GRB14: variants seen among roughly 807,000 people sequenced by gnomAD.
GRB14 encodes growth factor receptor bound protein 14.
GRB14 carries 38 observed loss-of-function variants against 69.1 expected under a neutral mutation model. The observed-to-expected ratio is 0.55, with a 90% CI of 0.42 to 0.72. GRB14 has a LOEUF of 0.72. Among genes scored for constraint, GRB14 ranks in the 30% least tolerant of loss-of-function variants. GRB14 has a pLI of 0.00. For synonymous variants in GRB14, 247 were observed against 241.3 expected, an observed-to-expected ratio of 1.02 and a Z score of -0.22; for missense variants, 666 against 666.1, an observed-to-expected ratio of 1.00 and a Z score of 0.00.
At chr2:164,502,177 A>G (rs564443826) in intron 9 of GRB14, 78 bp downstream of exon 9, 6 of 686,162 alleles carry the variant, frequency 8.7e-6, no homozygotes, top group East Asian at 8.2e-5. Flanking sequence ...TTATTATAAG[A>G]TACTGTTATG....
In GRB14 at chr2:164,621,220, G is replaced by A; in HGVS notation, c.90C>T (p.Ala30=). Residue 30 remains alanine, a synonymous_variant, in exon 1 of 14, where the codon GCC becomes GCT. Transcript: ENST00000263915. The surrounding 1 kb of genome is among the most constrained non-coding windows in gnomAD (Gnocchi z 6.0). ...GGTCGTGGGCGTCGCCCCTCCCCTG[G>A]GCAGCGCCACACACCTGGGCGGCCA... The part of the protein sequence containing the change: ...SPLAAQVCGA[A]QGRGDAHDLA... The A allele has an allele frequency of 8.0e-7, 1 of 1,249,962 alleles. No individual in the cohort carries two copies. Among genetic ancestry groups the A allele is most frequent in the South Asian group, 3.9e-5 (1 of 25,526 alleles). The allele number at this position is 1,249,962 out of a possible 1,614,324, so 77.4% of individuals were successfully genotyped here.
intron 3 of GRB14, among the ~76,000 whole-genome samples, chr2:164,533,372 A>T (rs1289032882): frequency 6.6e-6 from 1 of 150,968 alleles, no homozygotes; most frequent in East Asian, 2.0e-4. Flanking sequence ...AGCTGGGACT[A>T]CAGGCACCCG....
At chr2:164,561,644 T>C (rs1336278996) in intron 2 of GRB14, among the ~76,000 whole-genome samples, 1 of 152,192 alleles carries the variant, frequency 6.6e-6, no homozygotes, top group Non-Finnish European at 1.5e-5. Flanking sequence ...CTGTGCTAGG[T>C]GGAGCAGAGG....
Position 164,565,710 on chromosome 2 carries a change from C to A in GRB14, c.325-17894G>T, listed in dbSNP as rs187623282. ...GATCGTTTCTGAAGCACATGAGGAA[C>A]GTTCTTCACCAGAACCTTAATTCAC... On this transcript the variant is annotated intron_variant, in intron 2 of 13. Transcript: ENST00000263915. Among the ~76,000 whole-genome samples the A allele has an allele frequency of 3.2e-4, 48 of 152,312 alleles. No homozygotes were observed. In the East Asian group the frequency reaches 8.7e-3, roughly 28 times the overall value.
At chr2:164,597,627 G>C (rs909948441) in intron 2 of GRB14, among the ~76,000 whole-genome samples, 2 of 151,908 alleles carry the variant, frequency 1.3e-5, no homozygotes, top group African/African-American at 4.8e-5. Flanking sequence ...AAGACAATGG[G>C]TAGAGAAGAA....
At chr2:164,612,039 A>G (rs187574915) in intron 2 of GRB14, among the ~76,000 whole-genome samples, 222 of 152,328 alleles carry the variant, frequency 1.5e-3, no homozygotes, top group Non-Finnish European at 2.6e-3. Flanking sequence ...ATGGGCTGAT[A>G]TAACACCCCT....
chr2:164,565,813 C>G (rs1366838750), intron 2 of GRB14, among the ~76,000 whole-genome samples: 1 of 151,990 alleles, frequency 6.6e-6, no homozygotes, highest in Non-Finnish European at 1.5e-5. Context: ...GAGAATCTAC[C>G]AAAATACCTT....
intron 3 of GRB14, among the ~76,000 whole-genome samples, chr2:164,539,557 T>C (rs1483208760): frequency 6.6e-6 from 1 of 152,192 alleles, no homozygotes; most frequent in Non-Finnish European, 1.5e-5. Context: ...TTCAGGAACT[T>C]ACCACATTTT....
At chr2:164,536,214 A>G (rs866644541) in intron 3 of GRB14, among the ~76,000 whole-genome samples, 6 of 152,102 alleles carry the variant, frequency 3.9e-5, no homozygotes, top group African/African-American at 1.4e-4. Context: ...TTTGTCTTAG[A>G]CCCTGGGTTA....
At chr2:164,544,295 C>T (rs570442126) in intron 3 of GRB14, among the ~76,000 whole-genome samples, 4 of 152,202 alleles carry the variant, frequency 2.6e-5, no homozygotes, top group African/African-American at 7.2e-5. Flanking sequence ...TTCCTTAATA[C>T]AAATAATTTG....
chr2:164,517,236 G>A (rs1036235469), intron 6 of GRB14, among the ~76,000 whole-genome samples: 5 of 152,100 alleles, frequency 3.3e-5, no homozygotes, highest in Admixed American at 3.3e-4. Context: ...GATCTTGTGA[G>A]ACTTATTCAC....
Position 164,549,694 on chromosome 2 carries a change from C to A in GRB14, c.325-1878G>T, listed in dbSNP as rs180946724. Among the ~76,000 whole-genome samples the A allele has an allele frequency of 2.7e-4, 41 of 151,962 alleles. No homozygotes were observed. In the East Asian group the frequency reaches 7.6e-3, roughly 28 times the overall value. ...CCTGGCCAACATGGCAAAACCCCAT[C>A]TCCACTAAAAATATAAAAAATTAGC... On this transcript the variant is annotated intron_variant, in intron 2 of 13. Transcript: ENST00000263915.
chr2:164,582,469 T>C (rs1689435628), intron 2 of GRB14, among the ~76,000 whole-genome samples: 1 of 151,404 alleles, frequency 6.6e-6, no homozygotes, highest in South Asian at 2.1e-4. Context: ...TTGCCCAGGC[T>C]GGAGTGCAGT....
In GRB14 at chr2:164,492,977, TTTA is replaced by T. The variant is rs1686795360; in HGVS notation, c.*56_*58del. On this transcript the variant is annotated 3_prime_UTR_variant, in exon 14 of 14. Coordinates refer to ENST00000263915, the MANE Select transcript of GRB14 (RefSeq NM_004490.3). The stretch of plus-strand genomic sequence containing the variant: ...ATGTTTTCGCCCTTATTTATGGTCT[TTTA>T]TTATTTTTCTTGAGTCCTTTTCCTT... 3 of 1,498,244 alleles carry T rather than the reference TTTA, an allele frequency of 2.0e-6. No homozygotes were observed. The allele number at this position is 1,498,244 out of a possible 1,614,324, so 92.8% of individuals were successfully genotyped here.
At chr2:164,517,452 A>C (rs1321651124) in intron 6 of GRB14, among the ~76,000 whole-genome samples, 3 of 152,230 alleles carry the variant, frequency 2.0e-5, no homozygotes, top group African/African-American at 7.2e-5. Flanking sequence ...ATGAAAAAAG[A>C]AACAAGGTAT....
chr2:164,497,266 GCGTAAACAT>G lies in GRB14; in HGVS notation c.1230_1238del (p.Cys411_Arg413del). On this transcript the variant is annotated inframe_deletion, in exon 11 of 14. Coordinates refer to ENST00000263915, the MANE Select transcript of GRB14 (RefSeq NM_004490.3). ...CAGTGGGGCTACCGTGAGTGCCCAG[GCGTAAACAT>G]CCTTTTTTCTGAGCAAGGAAGGAGA... The G allele has an allele frequency of 6.2e-7, 1 of 1,613,392 alleles. No homozygotes were observed.
At chr2:164,530,441 T>C (rs911405269) in intron 3 of GRB14, among the ~76,000 whole-genome samples, 2 of 152,064 alleles carry the variant, frequency 1.3e-5, no homozygotes, top group African/African-American at 2.4e-5. Context: ...GAGGGGCATA[T>C]ATTTAAACCA....
Position 164,525,168 on chromosome 2 carries a change from T to G in GRB14, c.604-90A>C, listed in dbSNP as rs529677925. 6 of 887,066 alleles carry G rather than the reference T, an allele frequency of 6.8e-6. No individual in the cohort carries two copies. In the African/African-American group the frequency reaches 8.8e-5, roughly 13 times the overall value. The allele number at this position is 887,066 out of a possible 1,614,324, so 54.9% of individuals were successfully genotyped here. A position where few individuals can be genotyped will look rare whatever the true frequency, so the allele number is the denominator to read the frequency against. On this transcript the variant is annotated intron_variant, in intron 4 of 13. Transcript: ENST00000263915. ...TATAGTAATCAAAAGCAAAAGTTCT[T>G]TAAACTGGTGTGACTAAAATTCACC...
chr2:164,526,998 G>A lies in GRB14; in HGVS notation c.603+16C>T. 1 of 1,546,812 alleles carries A rather than the reference G, an allele frequency of 6.5e-7. No homozygotes were observed. The highest frequency in any genetic ancestry group is 1.4e-5 in the African/African-American group (1 of 72,786). The stretch of plus-strand genomic sequence containing the variant: ...TTCATTTATTTTCCGTAACTATTAG[G>A]AGGGATTTCACTTACCATTGGGTTT... On this transcript the variant is annotated intron_variant, in intron 4 of 13. Coordinates refer to ENST00000263915, the MANE Select transcript of GRB14 (RefSeq NM_004490.3).
Sources: gnomAD v4.1 joint callset for allele counts (sites outside exome capture counted in the v4.1 genomes callset) on GRCh38, gnomAD v4.1.1 for gene constraint, Gnocchi (gnomAD v3.1) non-coding constraint, MANE v1.5 for transcripts, NCBI Gene and HGNC (gene_info 2026-07-23, HGNC 2026-07-21) for gene names.